UBE2E3: variants seen among roughly 807,000 people sequenced by gnomAD.
UBE2E3 encodes the protein ubiquitin-conjugating enzyme E2 E3.
UBE2E3 carries 5 observed loss-of-function variants against 23.6 expected under a neutral mutation model. That is an observed-to-expected ratio of 0.21 (90% CI 0.11 to 0.44). UBE2E3 has a LOEUF of 0.44. Among genes scored for constraint, UBE2E3 ranks in the 20% least tolerant of loss-of-function variants. The pLI is 0.99. For synonymous variants in UBE2E3, 78 were observed against 87.5 expected, an observed-to-expected ratio of 0.89 and a Z score of 0.60; for missense variants, 81 against 249.8, an observed-to-expected ratio of 0.32 and a Z score of 4.55.
At chr2:181,055,637 C>G (rs937714637) in intron 3 of UBE2E3, among the ~76,000 whole-genome samples, 1 of 151,686 alleles carries the variant, frequency 6.6e-6, no homozygotes, top group Non-Finnish European at 1.5e-5. Context: ...TTAGTCTACT[C>G]CAAGACAATA....
At chr2:180,981,048 G>C (rs1348169472) in intron 1 of UBE2E3, 75 bp downstream of exon 1, 2 of 146,576 alleles carry the variant, frequency 1.4e-5, no homozygotes, top group Non-Finnish European at 3.0e-5. Context: ...GGGCGGGGGC[G>C]GGCAGCTTTG....
chr2:181,030,363 G>T lies in UBE2E3; in HGVS notation c.246-27330G>T, dbSNP rs552089914. On this transcript the variant is annotated intron_variant, in intron 3 of 5. Transcript: ENST00000410062. ...GAGTCTTGCTCTGTCGCCCAGGCTGGAGTGCAGTGGCACGATCTCATCTCA... is the reference window on the plus strand; with the variant it reads ...GAGTCTTGCTCTGTCGCCCAGGCTGTAGTGCAGTGGCACGATCTCATCTCA... 2.6e-5 allele frequency among the ~76,000 whole-genome samples: 4 copies of T among 151,440 alleles called. No individual in the cohort carries two copies. In the South Asian group the frequency reaches 8.4e-4, roughly 32 times the overall value.
intron 3 of UBE2E3, among the ~76,000 whole-genome samples, chr2:180,994,168 C>A (rs549470559): frequency 6.6e-6 from 1 of 152,254 alleles, no homozygotes; most frequent in East Asian, 1.9e-4. Flanking sequence ...ATCCACATTT[C>A]CATTAGAAGA....
At chr2:180,992,640 C>T (rs1418134669) in intron 3 of UBE2E3, among the ~76,000 whole-genome samples, 14 of 152,024 alleles carry the variant, frequency 9.2e-5, no homozygotes, top group Admixed American at 7.2e-4. Flanking sequence ...GGACTACAGG[C>T]GCACCCCACC....
At chr2:181,020,714 A>C (rs1685645944) in intron 3 of UBE2E3, among the ~76,000 whole-genome samples, 1 of 152,206 alleles carries the variant, frequency 6.6e-6, no homozygotes, top group Non-Finnish European at 1.5e-5. Flanking sequence ...ACTAGTCTTC[A>C]TATAGAGCTA....
At chr2:181,038,321 A>G (rs949945633) in intron 3 of UBE2E3, among the ~76,000 whole-genome samples, 1 of 152,240 alleles carries the variant, frequency 6.6e-6, no homozygotes, top group African/African-American at 2.4e-5. Context: ...AGGCTATACC[A>G]TATAACCTAA....
intron 3 of UBE2E3, among the ~76,000 whole-genome samples, chr2:181,042,764 A>G (rs879464955): frequency 6.6e-6 from 1 of 152,226 alleles, no homozygotes; most frequent in Admixed American, 6.5e-5. Context: ...TGTGCTAAGT[A>G]TCTGGGTTGG....
chr2:180,981,042 G>A (rs1359540700), intron 1 of UBE2E3, 69 bp downstream of exon 1: 1 of 146,672 alleles, frequency 6.8e-6, no homozygotes, highest in African/African-American at 2.5e-5. Flanking sequence ...GGGAGGGGGC[G>A]GGGGCGGGCA....
At chr2:181,036,555 T>C (rs911305425) in intron 3 of UBE2E3, among the ~76,000 whole-genome samples, 8 of 152,144 alleles carry the variant, frequency 5.3e-5, no homozygotes, top group Admixed American at 5.2e-4. Flanking sequence ...TGAATTGGTG[T>C]GCCTAAATTG....
At chr2:181,000,529 G>A (rs1337590741) in intron 3 of UBE2E3, among the ~76,000 whole-genome samples, 1 of 151,786 alleles carries the variant, frequency 6.6e-6, no homozygotes, top group African/African-American at 2.4e-5. Context: ...ATAGTGTGGT[G>A]GCCAGGATTA....
intron 3 of UBE2E3, among the ~76,000 whole-genome samples, chr2:181,016,272 A>T (rs1005057120): frequency 1.3e-5 from 2 of 151,796 alleles, no homozygotes; most frequent in Admixed American, 1.3e-4. Context: ...TACAGACAGG[A>T]TCTCACTGTG....
At chr2:181,059,497 A>G (rs890880336) in intron 4 of UBE2E3, among the ~76,000 whole-genome samples, 1 of 151,748 alleles carries the variant, frequency 6.6e-6, no homozygotes, top group African/African-American at 2.4e-5. Flanking sequence ...GCCACATAAA[A>G]CATAAAACAA....
intron 3 of UBE2E3, among the ~76,000 whole-genome samples, chr2:180,991,605 A>G (rs1684660959): frequency 6.6e-6 from 1 of 152,198 alleles, no homozygotes; most frequent in Non-Finnish European, 1.5e-5. Context: ...GGCACAACAC[A>G]AACTCATAAA....
chr2:181,031,213 A>G (rs1185357848), intron 3 of UBE2E3, among the ~76,000 whole-genome samples: 1 of 152,144 alleles, frequency 6.6e-6, no homozygotes, highest in Admixed American at 6.5e-5. Context: ...TGAGAAAAAT[A>G]TCTCTTCTCT....
chr2:180,994,030 A>G (rs1354347222), intron 3 of UBE2E3, among the ~76,000 whole-genome samples: 3 of 152,208 alleles, frequency 2.0e-5, no homozygotes, highest in Admixed American at 6.5e-5. Context: ...ACTCAGAGAC[A>G]TGTAATTTAT....
intron 3 of UBE2E3, chr2:180,987,305 TATTA>T (rs1254363315): frequency 1.3e-6 from 2 of 1,548,242 alleles, no homozygotes; most frequent in Non-Finnish European, 8.7e-7. Context: ...AGTGATGTGT[TATTA>T]AGACATTTAC....
In UBE2E3 at chr2:180,980,702, G is replaced by T. The variant is rs1184789360; in HGVS notation, c.-297G>T. 2.0e-5 allele frequency: 3 copies of T among 148,412 alleles called. No individual in the cohort carries two copies. The highest frequency in any genetic ancestry group is 2.0e-4 in the East Asian group (1 of 4,940). 9.2% of individuals were successfully genotyped at this position (148,412 alleles called of 1,614,324 possible). A position where few individuals can be genotyped will look rare whatever the true frequency, so the allele number is the denominator to read the frequency against. ...TCTCCCGCGTCCCCTCCGCCTCGCC[G>T]GGAGCTCGCGCCCTCGCCCAGCCGA... On this transcript the variant is annotated 5_prime_UTR_variant, in exon 1 of 6. Coordinates refer to ENST00000410062, the MANE Select transcript of UBE2E3 (RefSeq NM_006357.4). This position sits in a 1 kb window ranked among gnomAD's most constrained non-coding sequence, Gnocchi z 5.5.
intron 3 of UBE2E3, among the ~76,000 whole-genome samples, chr2:181,028,117 A>G (rs904490316): frequency 7.2e-5 from 11 of 151,994 alleles, no homozygotes; most frequent in African/African-American, 2.4e-4. Flanking sequence ...TAAACGGCAT[A>G]TATTGTTTAA....
intron 3 of UBE2E3, among the ~76,000 whole-genome samples, chr2:181,048,367 A>G (rs190818898): frequency 6.0e-4 from 91 of 152,284 alleles, no homozygotes; most frequent in African/African-American, 1.9e-3. Flanking sequence ...TGTTTTCTTT[A>G]TTGAATCTAA....
Sources: allele counts gnomAD v4.1 joint callset (sites outside exome capture counted in the v4.1 genomes callset), GRCh38; gene constraint gnomAD v4.1.1; non-coding constraint Gnocchi (gnomAD v3.1); transcripts MANE v1.5; gene names NCBI Gene and HGNC (gene_info 2026-07-23, HGNC 2026-07-21).